Variants in MECOM observed in about 807,000 individuals in gnomAD.
MECOM encodes MDS1 and EVI1 complex locus, also known as histone-lysine N-methyltransferase MECOM.
In MECOM, 13 loss-of-function variants were observed where a neutral mutation model predicts 116.3. The observed-to-expected ratio is 0.11, with a 90% confidence interval of 0.07 to 0.18. The LOEUF (loss-of-function observed/expected upper bound fraction) is 0.18, where lower values mean the gene tolerates loss of function less well. Among genes scored for constraint, MECOM ranks in the 10% least tolerant of loss-of-function variants. The probability of loss-of-function intolerance (pLI) is 1.00; values close to 1 mark genes in which losing one functional copy is unlikely to be tolerated. For missense variants in MECOM, 1,299 were observed against 1,509.0 expected, an observed-to-expected ratio of 0.86 and a Z score of 2.31; for synonymous variants, 528 against 535.2, an observed-to-expected ratio of 0.99 and a Z score of 0.19.
chr3:169,629,501 C>T (rs1771813779), intron 1 of MECOM, among the ~76,000 whole-genome samples: 1 of 151,920 alleles, frequency 6.6e-6, no homozygotes, highest in Non-Finnish European at 1.5e-5. Flanking sequence ...TAAATGTTTA[C>T]TCAGTTAATA....
chr3:169,628,183 C>A (rs1459024724), intron 1 of MECOM, among the ~76,000 whole-genome samples: 3 of 152,194 alleles, frequency 2.0e-5, no homozygotes, highest in Non-Finnish European at 4.4e-5. Flanking sequence ...GTGTTCAGCT[C>A]CAACTGCTGG....
At position 169,301,036 on chromosome 3, in the gene MECOM, A is replaced by G. The variant is rs188993968; in HGVS notation, c.375+80151T>C. On this transcript the variant is annotated intron_variant, in intron 2 of 16. Coordinates refer to ENST00000651503, the MANE Select transcript of MECOM (RefSeq NM_004991.4). ...CAATCTTTCTTAGCTCTGTTTCTAT[A>G]TTGTGGGTTCAGTATTTAAACCTTA... Among the ~76,000 whole-genome samples, 48 of 152,330 alleles carry G rather than the reference A, an allele frequency of 3.2e-4. No individual in the cohort carries two copies. The East Asian group carries it at 8.7e-3, about 28-fold the overall frequency.
chr3:169,174,858 A>T (rs555602816), intron 2 of MECOM, among the ~76,000 whole-genome samples: 8 of 152,294 alleles, frequency 5.3e-5, no homozygotes, highest in African/African-American at 1.4e-4. Context: ...GACCACTGCT[A>T]CTCATTACAT....
chr3:169,347,278 A>C (rs1221326125), intron 2 of MECOM, among the ~76,000 whole-genome samples: 1 of 152,074 alleles, frequency 6.6e-6, no homozygotes, highest in African/African-American at 2.4e-5. Context: ...TTAGTTAATT[A>C]AATAAATATT....
At chr3:169,137,811 T>G (rs1359362846) in intron 3 of MECOM, among the ~76,000 whole-genome samples, 1 of 152,090 alleles carries the variant, frequency 6.6e-6, no homozygotes. Context: ...CTAGTTTGCA[T>G]AAATACGGCA....
chr3:169,639,226 C>A (rs1371609507), intron 1 of MECOM, among the ~76,000 whole-genome samples: 2 of 151,240 alleles, frequency 1.3e-5, no homozygotes, highest in Non-Finnish European at 2.9e-5. Context: ...ATTCCAAGCT[C>A]CAGCGATGGA....
In MECOM at chr3:169,594,892, C is replaced by CA. The variant is rs59292922; in HGVS notation, c.37+68443dup. ...TGGATCTAACTGAAAAAAAAAAAAA[C>CA]AAAAAAAAAACTGGATCTATATTCT... On this transcript the variant is annotated intron_variant, in intron 1 of 16. Coordinates refer to ENST00000651503, the MANE Select transcript of MECOM (RefSeq NM_004991.4). Among the ~76,000 whole-genome samples, 161 of 122,698 alleles carry CA rather than the reference C, an allele frequency of 1.3e-3. 1 individual carries two copies. Among genetic ancestry groups the CA allele is most frequent in the African/African-American group, 3.9e-3 (126 of 32,368 alleles). 80.5% of individuals were successfully genotyped at this position (122,698 alleles called of 152,430 possible).
At chr3:169,107,895 C>T (rs774876349) in intron 10 of MECOM, 31 bp downstream of exon 10, 8 of 1,598,590 alleles carry the variant, frequency 5.0e-6, no homozygotes, top group Non-Finnish European at 6.8e-6. Context: ...TGCTACATCA[C>T]TTTAGTCAAA....
At position 169,417,949 on chromosome 3, in the gene MECOM, G is replaced by A. The variant is rs191773007; in HGVS notation, c.38-36425C>T. On this transcript the variant is annotated intron_variant, in intron 1 of 16. Transcript: ENST00000651503. The stretch of plus-strand genomic sequence containing the variant: ...AGGAAGGGGAACATCACACTCTGGG[G>A]ACTGTTGTGGGGTTGGGGGAGCGGG... Among the ~76,000 whole-genome samples the A allele has an allele frequency of 2.1e-4, 31 of 150,224 alleles. No homozygotes were observed. The East Asian group carries it at 5.9e-3, about 29-fold the overall frequency.
rs1459162079 is a variant in MECOM at position 169,187,317 on chromosome 3, A to G, written c.376-43485T>C. 2.0e-5 allele frequency among the ~76,000 whole-genome samples: 3 copies of G among 152,176 alleles called. No individual in the cohort carries two copies. In the East Asian group the frequency reaches 5.8e-4, roughly 29 times the overall value. On this transcript the variant is annotated intron_variant, in intron 2 of 16. Transcript: ENST00000651503. ...TATTGAAACAAATGACTGCTACACC[A>G]TACTGTTTCTCATTCTTTACCAAGG...
rs1402946147 is a variant in MECOM, at chr3:169,378,507, AAGAAAGAAAAGAAAG to A, written c.375+2665_375+2679del. ...AGAGAGAGAAAGAAAGAAAGAAAGA[AAGAAAGAAAAGAAAG>A]AAAGAAAGAAAGAAAGAAAGAAAGA... On this transcript the variant is annotated intron_variant, in intron 2 of 16. Coordinates refer to ENST00000651503, the MANE Select transcript of MECOM (RefSeq NM_004991.4). Among the ~76,000 whole-genome samples, 29 of 30,096 alleles carry A rather than the reference AAGAAAGAAAAGAAAG, an allele frequency of 9.6e-4. 2 individuals are homozygous for A. The highest frequency in any genetic ancestry group is 1.1e-3 in the Admixed American group (3 of 2,622). The allele number at this position is 30,096 out of a possible 152,430, so 19.7% of individuals were successfully genotyped here.
intron 1 of MECOM, among the ~76,000 whole-genome samples, chr3:169,473,676 G>A (rs957698775): frequency 1.3e-5 from 2 of 152,110 alleles, no homozygotes; most frequent in African/African-American, 4.8e-5. Flanking sequence ...GGCTGAGGTA[G>A]GAGAATCACT....
chr3:169,471,419 C>T (rs1749221368), intron 1 of MECOM, among the ~76,000 whole-genome samples: 1 of 151,302 alleles, frequency 6.6e-6, no homozygotes, highest in Admixed American at 6.6e-5. Context: ...GTAACTCCTA[C>T]CTAGCAAGCA....
chr3:169,325,216 C>T (rs952639542), intron 2 of MECOM, among the ~76,000 whole-genome samples: 41 of 152,252 alleles, frequency 2.7e-4, no homozygotes, highest in African/African-American at 9.6e-4. Context: ...TTTTTGCTTT[C>T]GGACAGTCAC....
intron 2 of MECOM, among the ~76,000 whole-genome samples, chr3:169,195,994 G>C (rs1239186646): frequency 6.6e-6 from 1 of 151,980 alleles, no homozygotes; most frequent in African/African-American, 2.4e-5. Context: ...AAACCAATAT[G>C]CTCTCTGGCT....
intron 1 of MECOM, among the ~76,000 whole-genome samples, chr3:169,566,493 A>G (rs1045001894): frequency 2.6e-5 from 4 of 152,126 alleles, no homozygotes; most frequent in Non-Finnish European, 4.4e-5. Flanking sequence ...TACAACCACA[A>G]TTTGCTGATT....
At chr3:169,340,604 T>G (rs1420293389) in intron 2 of MECOM, among the ~76,000 whole-genome samples, 10 of 152,150 alleles carry the variant, frequency 6.6e-5, no homozygotes, top group African/African-American at 2.4e-4. Flanking sequence ...GCACCAATAT[T>G]AAAAGATGGC....
chr3:169,531,487 G>C (rs1758618937), intron 1 of MECOM, among the ~76,000 whole-genome samples: 1 of 152,104 alleles, frequency 6.6e-6, no homozygotes, highest in Non-Finnish European at 1.5e-5. Context: ...AACCTCATCA[G>C]AGAGGCAAGA....
chr3:169,594,679 C>T (rs572965364), intron 1 of MECOM, among the ~76,000 whole-genome samples: 1 of 151,600 alleles, frequency 6.6e-6, no homozygotes, highest in African/African-American at 2.4e-5. Context: ...CCAGGCCCAT[C>T]CGCTCCCACT....
Sources: gnomAD v4.1 joint callset for allele counts (sites outside exome capture counted in the v4.1 genomes callset) on GRCh38, gnomAD v4.1.1 for gene constraint, MANE v1.5 for transcripts, NCBI Gene and HGNC (gene_info 2026-07-23, HGNC 2026-07-21) for gene names.